FGF14: variants seen among roughly 807,000 people sequenced by gnomAD.
FGF14 encodes the protein fibroblast growth factor homologous factor 4.
FGF14 carries 5 observed loss-of-function variants against 25.5 expected under a neutral mutation model. The observed-to-expected ratio is 0.20, with a 90% CI of 0.10 to 0.41. The LOEUF is 0.41. Ranked by LOEUF, FGF14 falls within the 10% of genes least tolerant of loss-of-function variation. The pLI is 1.00. For missense variants in FGF14, 222 were observed against 320.1 expected (o/e 0.69, Z 2.34); for synonymous variants, 138 against 118.3 (o/e 1.17, Z -1.08).
chr13:102,344,750 C>T (rs1439370086), intron 1 of FGF14, among the ~76,000 whole-genome samples: 1 of 152,176 alleles, frequency 6.6e-6, no homozygotes, highest in Admixed American at 6.5e-5. Flanking sequence ...AAGAAGGTTT[C>T]CTGGAGAAGA....
At chr13:101,902,315 G>A (rs1385820762) in intron 1 of FGF14, among the ~76,000 whole-genome samples, 1 of 151,282 alleles carries the variant, frequency 6.6e-6, no homozygotes, top group Non-Finnish European at 1.5e-5. Flanking sequence ...AAGCTTCTTG[G>A]CTTTTCTTGT....
chr13:101,870,055 C>G (rs1191643098), intron 2 of FGF14, among the ~76,000 whole-genome samples: 2 of 152,168 alleles, frequency 1.3e-5, no homozygotes, highest in African/African-American at 4.8e-5. Flanking sequence ...TGGAAAAATA[C>G]TCAGGGGCAT....
At chr13:102,212,298 G>A (rs1276475972) in intron 1 of FGF14, among the ~76,000 whole-genome samples, 1 of 152,170 alleles carries the variant, frequency 6.6e-6, no homozygotes, top group Admixed American at 6.5e-5. Flanking sequence ...ATAAGCAAAT[G>A]GAAGGAGAGT....
At chr13:101,812,067 TAGA>T (rs778976248) in intron 3 of FGF14, among the ~76,000 whole-genome samples, 1 of 152,150 alleles carries the variant, frequency 6.6e-6, no homozygotes, top group African/African-American at 2.4e-5. Flanking sequence ...ACTGAACAGT[TAGA>T]AGACTTCTGC....
At chr13:102,100,404 T>TA (rs1273777182) in intron 1 of FGF14, among the ~76,000 whole-genome samples, 1 of 152,282 alleles carries the variant, frequency 6.6e-6, no homozygotes, top group African/African-American at 2.4e-5. Flanking sequence ...GACAAGGAGT[T>TA]AATTGCTTGA....
intron 1 of FGF14, among the ~76,000 whole-genome samples, chr13:102,202,014 G>C (rs537464698): frequency 6.6e-5 from 10 of 152,192 alleles, no homozygotes; most frequent in African/African-American, 2.2e-4. Context: ...GCTCCCATGA[G>C]ATCTGGTTGT....
Position 102,095,644 on chromosome 13 carries a change from C to A in FGF14, c.209-220348G>T, listed in dbSNP as rs9557801. Among the ~76,000 whole-genome samples, 116 of 152,250 alleles carry A rather than the reference C, an allele frequency of 7.6e-4. 1 individual carries two copies. In the East Asian group the frequency reaches 0.02, roughly 27 times the overall value. On this transcript the variant is annotated intron_variant, in intron 1 of 4. Transcript: ENST00000376131. ...ACCAGCCCCTCCTCATTCTCCTCCC[C>A]CTTAGCCTACTCAATGTGAAGACAC...
At chr13:101,988,624 C>A (rs761218545) in intron 1 of FGF14, among the ~76,000 whole-genome samples, 1 of 145,098 alleles carries the variant, frequency 6.9e-6, no homozygotes, top group Non-Finnish European at 1.5e-5. Context: ...CCAGACACCA[C>A]GTGTTCTCAC....
At chr13:101,876,989 C>T (rs2045435274) in intron 1 of FGF14, among the ~76,000 whole-genome samples, 1 of 151,968 alleles carries the variant, frequency 6.6e-6, no homozygotes, top group Non-Finnish European at 1.5e-5. Flanking sequence ...TTATTATTCT[C>T]TTGTCAAGAA....
At chr13:102,180,063 C>T (rs2048603645) in intron 1 of FGF14, among the ~76,000 whole-genome samples, 1 of 152,194 alleles carries the variant, frequency 6.6e-6, no homozygotes, top group South Asian at 2.1e-4. Flanking sequence ...TTCTGGCAAA[C>T]AGGGAGTTTC....
intron 1 of FGF14, among the ~76,000 whole-genome samples, chr13:101,890,750 A>T (rs972941689): frequency 2.0e-5 from 3 of 152,150 alleles, no homozygotes; most frequent in Non-Finnish European, 2.9e-5. Flanking sequence ...CAAGATGTCC[A>T]GGCCCAGAGC....
chr13:101,771,137 T>C (rs988526081), intron 3 of FGF14, among the ~76,000 whole-genome samples: 1 of 152,078 alleles, frequency 6.6e-6, no homozygotes, highest in African/African-American at 2.4e-5. Context: ...CAGAAGGATG[T>C]TTGGTGCAAA....
At chr13:101,962,871 C>T (rs76345524) in intron 1 of FGF14, among the ~76,000 whole-genome samples, 1,904 of 152,250 alleles carry the variant, frequency 0.013, 12 homozygotes, top group Non-Finnish European at 0.019. Flanking sequence ...TGTCCTTTGC[C>T]GTGAAGATTA....
chr13:101,993,982 TG>T (rs1364209728), intron 1 of FGF14, among the ~76,000 whole-genome samples: 11 of 152,026 alleles, frequency 7.2e-5, no homozygotes, highest in Non-Finnish European at 7.4e-5. Flanking sequence ...AAATATAGGT[TG>T]GCTATTAGAT....
At chr13:102,150,239 T>A (rs1035030635) in intron 1 of FGF14, among the ~76,000 whole-genome samples, 1 of 151,986 alleles carries the variant, frequency 6.6e-6, no homozygotes, top group African/African-American at 2.4e-5. Flanking sequence ...CTAAAATCTA[T>A]GAAGCCCTAA....
chr13:102,259,867 T>A (rs979670234), intron 1 of FGF14, among the ~76,000 whole-genome samples: 6 of 152,236 alleles, frequency 3.9e-5, no homozygotes, highest in African/African-American at 1.4e-4. Context: ...CATTGCTTTA[T>A]GTCTTTGCTC....
intron 1 of FGF14, among the ~76,000 whole-genome samples, chr13:102,231,624 T>C (rs757515411): frequency 6.6e-6 from 1 of 152,210 alleles, no homozygotes; most frequent in Non-Finnish European, 1.5e-5. Context: ...ATATAGCATA[T>C]GTTATGTCCT....
intron 1 of FGF14, among the ~76,000 whole-genome samples, chr13:102,135,498 T>A (rs1181280032): frequency 2.6e-5 from 4 of 152,192 alleles, no homozygotes; most frequent in Admixed American, 2.0e-4. Context: ...CTCATTAAAA[T>A]TTTTTTAATT....
At chr13:101,877,724 G>C (rs2045477363) in intron 1 of FGF14, among the ~76,000 whole-genome samples, 1 of 152,188 alleles carries the variant, frequency 6.6e-6, no homozygotes, top group Non-Finnish European at 1.5e-5. Flanking sequence ...AGCTGAATTT[G>C]TGATTACAAA....
Sources: allele counts gnomAD v4.1 joint callset (sites outside exome capture counted in the v4.1 genomes callset), GRCh38; gene constraint gnomAD v4.1.1; transcripts MANE v1.5; gene names NCBI Gene and HGNC (gene_info 2026-07-23, HGNC 2026-07-21).